ACBD5: variants seen among roughly 807,000 people sequenced by gnomAD.
ACBD5 encodes acyl-CoA-binding domain-containing protein 5.
A neutral mutation model predicts 71.8 loss-of-function variants in ACBD5; 40 were observed. The observed-to-expected ratio is 0.56, with a 90% CI of 0.43 to 0.72. The LOEUF is 0.72. Among genes scored for constraint, ACBD5 ranks in the 30% least tolerant of loss-of-function variants. The pLI, the probability that ACBD5 is intolerant of heterozygous loss-of-function variation, is 0.00. For missense variants in ACBD5, 559 were observed against 644.5 expected (o/e 0.87, Z 1.44); for synonymous variants, 229 against 218.6 (o/e 1.05, Z -0.42).
intron 7 of ACBD5, among the ~76,000 whole-genome samples, chr10:27,216,361 G>T (rs981494805): frequency 6.6e-6 from 1 of 152,102 alleles, no homozygotes; most frequent in South Asian, 2.1e-4. Context: ...GGCTGGTCTC[G>T]AACTTCTGAC....
chr10:27,200,570 G>C (rs764405580), intron 12 of ACBD5, among the ~76,000 whole-genome samples: 1 of 151,350 alleles, frequency 6.6e-6, no homozygotes, highest in Non-Finnish European at 1.5e-5. Context: ...TCAACCTCCC[G>C]AGTAGCTGGG....
chr10:27,210,867 C>T lies in ACBD5; in HGVS notation c.1151G>A (p.Arg384Gln), dbSNP rs376218851. 38 of 1,614,216 alleles carry T rather than the reference C, an allele frequency of 2.4e-5. No individual in the cohort carries two copies. The highest frequency in any genetic ancestry group is 2.2e-4 in the East Asian group (10 of 44,890). ...DGRNNSGAPH[R>Q]EKRGGETDEF... ...GTCAGTTTCTCCGCCTCGCTTCTCC[C>T]GGTGTGGTGCTCCGCTGTTATTCCT... Residue 384 changes from arginine (R) to glutamine (Q), a missense_variant, in exon 9 of 13, where the codon CGG becomes CAG. Coordinates refer to ENST00000396271, the MANE Select transcript of ACBD5 (RefSeq NM_145698.5).
At chr10:27,223,741 T>C (rs904742266) in intron 4 of ACBD5, among the ~76,000 whole-genome samples, 1 of 151,698 alleles carries the variant, frequency 6.6e-6, no homozygotes, top group African/African-American at 2.4e-5. Context: ...CCCTGTCTCT[T>C]AAAAATTTTT....
At chr10:27,219,893 T>C in intron 5 of ACBD5, 36 bp from the exon 6 acceptor site, 1 of 1,603,874 alleles carries the variant, frequency 6.2e-7, no homozygotes, top group Non-Finnish European at 8.5e-7. Context: ...CACAATGTGA[T>C]AATATACAAT....
At chr10:27,228,357 C>T (rs1306473885) in intron 4 of ACBD5, among the ~76,000 whole-genome samples, 6 of 151,162 alleles carry the variant, frequency 4.0e-5, no homozygotes, top group South Asian at 2.1e-4. Flanking sequence ...GGGAAGATCA[C>T]GAGGTCAGGA....
chr10:27,205,050 C>G (rs1312625646), intron 11 of ACBD5, 148 bp downstream of exon 11: 1 of 679,750 alleles, frequency 1.5e-6, no homozygotes, highest in Non-Finnish European at 2.4e-6. Context: ...TGGCGTGAAC[C>G]CAGGAGGCAG....
At chr10:27,191,711 C>T (rs1183411219), downstream of ACBD5, among the ~76,000 whole-genome samples, 1 of 152,074 alleles carries the variant, frequency 6.6e-6, no homozygotes, top group African/African-American at 2.4e-5. Context: ...TGGTGAAACC[C>T]CATCTCTACC....
chr10:27,211,943 G>A (rs557594560), intron 8 of ACBD5, among the ~76,000 whole-genome samples: 33 of 152,234 alleles, frequency 2.2e-4, no homozygotes, highest in African/African-American at 7.2e-4. Context: ...CAGTGAAGAG[G>A]GAGGATGTAC....
chr10:27,202,312 C>T (rs998089970), intron 12 of ACBD5, among the ~76,000 whole-genome samples: 2 of 152,114 alleles, frequency 1.3e-5, no homozygotes, highest in East Asian at 1.9e-4. Flanking sequence ...CACTATACCT[C>T]GTCAAAATGA....
chr10:27,221,296 G>A (rs1457411297), intron 5 of ACBD5, among the ~76,000 whole-genome samples: 1 of 152,162 alleles, frequency 6.6e-6, no homozygotes, highest in Non-Finnish European at 1.5e-5. Context: ...CATATAAATA[G>A]TTACATTAAA....
In ACBD5 at chr10:27,197,291, T is replaced by C. The variant is rs780967522; in HGVS notation, c.*139A>G. ...GTAGTGCAAAATATATATGTGTATATATGTACACAAACTAAACTACTGGAC... is the reference window on the plus strand; with the variant it reads ...GTAGTGCAAAATATATATGTGTATACATGTACACAAACTAAACTACTGGAC... On this transcript the variant is annotated 3_prime_UTR_variant, in exon 13 of 13. Transcript: ENST00000396271. 1 of 786,636 alleles carries C rather than the reference T, an allele frequency of 1.3e-6. No individual in the cohort carries two copies. The highest frequency in any genetic ancestry group is 2.7e-5 in the East Asian group (1 of 37,468). 48.7% of individuals were successfully genotyped at this position (786,636 alleles called of 1,614,324 possible).
intron 12 of ACBD5, among the ~76,000 whole-genome samples, chr10:27,199,009 T>G (rs1403236192): frequency 6.6e-6 from 1 of 151,742 alleles, no homozygotes; most frequent in Non-Finnish European, 1.5e-5. Context: ...CTTGGGAGGC[T>G]GAGGCAGGAG....
rs956034727 is a variant in ACBD5 at position 27,211,038 on chromosome 10, T to A, written c.980A>T (p.Tyr327Phe). 2 of 1,614,122 alleles carry A rather than the reference T, an allele frequency of 1.2e-6. No homozygotes were observed. Among genetic ancestry groups the A allele is most frequent in the Non-Finnish European group, 8.5e-7 (1 of 1,180,032 alleles). ...GGGTTGACTGGAATGACCACCCAAG[T>A]AATACTGAAATGGTCCATTGTTGGA... ...FTSNNGPFQY[Y>F]LGGHSSQPME... The change falls in exon 9 of 13, where the codon TAC becomes TTC. Residue 327 changes from tyrosine (Y) to phenylalanine (F), a missense_variant. Physicochemically the swap from Tyr to Phe is conservative, Grantham distance 22. Coordinates refer to ENST00000396271, the MANE Select transcript of ACBD5 (RefSeq NM_145698.5).
chr10:27,200,686 T>TG (rs997286230), intron 12 of ACBD5, among the ~76,000 whole-genome samples: 19 of 152,188 alleles, frequency 1.2e-4, no homozygotes, highest in African/African-American at 4.1e-4. Context: ...CTCGAGCTCC[T>TG]GACCTCAGGT....
chr10:27,234,076 C>T (rs1029222908), intron 3 of ACBD5, among the ~76,000 whole-genome samples: 2 of 152,100 alleles, frequency 1.3e-5, no homozygotes, highest in Non-Finnish European at 2.9e-5. Context: ...ACATGCTTCA[C>T]CAATTAGCAT....
rs781505581 is a variant in ACBD5 at position 27,197,261 on chromosome 10, T to C, written c.*169A>G. 5.6e-6 allele frequency: 4 copies of C among 712,072 alleles called. No homozygotes were observed. The highest frequency in any genetic ancestry group is 1.5e-5 in the South Asian group (1 of 65,870). The allele number at this position is 712,072 out of a possible 1,614,324, so 44.1% of individuals were successfully genotyped here. ...AATATTAGTCCTTAAAATGTTATCG[T>C]TTGTGTAGTGCAAAATATATATGTG... On this transcript the variant is annotated 3_prime_UTR_variant, in exon 13 of 13. Transcript: ENST00000396271.
At chr10:27,215,736 G>A in intron 7 of ACBD5, 95 bp from the exon 8 acceptor site, 1 of 902,678 alleles carries the variant, frequency 1.1e-6, no homozygotes, top group South Asian at 1.4e-5. Flanking sequence ...GTCTTGCTCT[G>A]TTGCCCAGGC....
At chr10:27,241,476 C>T (rs1302757216), upstream of ACBD5, among the ~76,000 whole-genome samples, 1 of 152,122 alleles carries the variant, frequency 6.6e-6, no homozygotes, top group Non-Finnish European at 1.5e-5. Flanking sequence ...GTCGCCGGCT[C>T]CTAAACTGGG....
intron 12 of ACBD5, among the ~76,000 whole-genome samples, chr10:27,201,154 C>T (rs760812719): frequency 6.6e-6 from 1 of 152,154 alleles, no homozygotes; most frequent in Non-Finnish European, 1.5e-5. Flanking sequence ...GAGAGTGAGA[C>T]CTTGTCTCAA....
Sources: gnomAD v4.1 joint callset for allele counts (sites outside exome capture counted in the v4.1 genomes callset) on GRCh38, gnomAD v4.1.1 for gene constraint, MANE v1.5 for transcripts, NCBI Gene and HGNC (gene_info 2026-07-23, HGNC 2026-07-21) for gene names.